Variants in GBP3 observed in about 807,000 individuals in gnomAD.
The protein encoded by GBP3 is guanylate-binding protein 3.
Under a neutral mutation model 62.4 loss-of-function variants are expected in GBP3, and 55 were observed. That is an observed-to-expected ratio of 0.88 (90% confidence interval 0.71 to 1.10). The LOEUF is 1.10. GBP3 is among the 50% of genes least tolerant of loss of function. The pLI is 0.00. For missense variants in GBP3, 605 were observed against 690.6 expected (o/e 0.88, Z 1.39); for synonymous variants, 208 against 259.2 (o/e 0.80, Z 1.90).
At chr1:89,015,783 GA>G (rs1174675556) in intron 2 of GBP3, among the ~76,000 whole-genome samples, 1 of 132,094 alleles carries the variant, frequency 7.6e-6, no homozygotes, top group Admixed American at 7.4e-5. Flanking sequence ...TAGAGAAACA[GA>G]AAAAAATTAC....
In GBP3 at chr1:89,013,200, T is replaced by G; in HGVS notation, c.853A>C (p.Lys285Gln). 1.2e-6 allele frequency: 2 copies of G among 1,613,966 alleles called. No homozygotes were observed. Among genetic ancestry groups the G allele is most frequent in the Non-Finnish European group, 1.7e-6 (2 of 1,179,868 alleles). ...SKTKTLSGGI[K>Q]VNGPRLESLV... is the part of the protein sequence containing the mutation. ...GGGGACTTACGAGGCCCATTGACCTTGATGCCTCCTGAAAGAGTTTTAGTT... is the reference window on the plus strand; with the variant it reads ...GGGGACTTACGAGGCCCATTGACCTGGATGCCTCCTGAAAGAGTTTTAGTT... Residue 285 changes from lysine to glutamine, a missense_variant, in exon 6 of 11, where the codon AAG (lysine) becomes CAG (glutamine). By Grantham distance (53) the Lys-to-Gln change is moderately conservative (BLOSUM62 1). This residue lies in a region of GBP3 where 137 missense variants were observed against 224.7 expected (regional missense o/e 0.61). Coordinates refer to ENST00000370481, the MANE Select transcript of GBP3 (RefSeq NM_018284.3).
At position 89,021,544 on chromosome 1, in the gene GBP3, A is replaced by ACACACACACACCCCC. The variant is rs761151308; in HGVS notation, c.-22-802_-22-801insGGGGGTGTGTGTGTG. 2.6e-4 allele frequency among the ~76,000 whole-genome samples: 37 copies of ACACACACACACCCCC among 141,040 alleles called. No homozygotes were observed. In the East Asian group the frequency reaches 3.4e-3, roughly 13 times the overall value. 92.5% of individuals were successfully genotyped at this position (141,040 alleles called of 152,430 possible). A position where few individuals can be genotyped will look rare whatever the true frequency, so the allele number is the denominator to read the frequency against. The stretch of plus-strand genomic sequence containing the variant: ...CACACACACACACACACACACACAC[A>ACACACACACACCCCC]CCCCAAAAAAACCAAACCAAACAAA... On this transcript the variant is annotated intron_variant, in intron 1 of 10. Transcript: ENST00000370481.
chr1:89,017,621 A>G (rs1422455013), intron 2 of GBP3, among the ~76,000 whole-genome samples: 4 of 152,258 alleles, frequency 2.6e-5, no homozygotes, highest in South Asian at 4.1e-4. Flanking sequence ...ACAATGCAAC[A>G]CAAACAGATT....
At position 89,012,218 on chromosome 1, in the gene GBP3, G is replaced by A. The variant is rs886606493; in HGVS notation, c.869-191C>T. On this transcript the variant is annotated intron_variant, in intron 6 of 10. Transcript: ENST00000370481. ...CTACTGAATTAGAGTTTTTTCTTTG[G>A]GTAAGATCCCTAGATGATATGTATG... is the stretch of plus-strand genomic sequence containing the variant. 1.0e-4 allele frequency among the ~76,000 whole-genome samples: 14 copies of A among 138,300 alleles called. 4 individuals are homozygous for A. The highest frequency in any genetic ancestry group is 2.4e-4 in the South Asian group (1 of 4,240). The allele number at this position is 138,300 out of a possible 152,430, so 90.7% of individuals were successfully genotyped here.
Position 89,014,630 on chromosome 1 carries a change from G to A in GBP3, c.345C>T (p.Ile115=). 6.2e-7 allele frequency: 1 copy of A among 1,614,088 alleles called. No homozygotes were observed. The highest frequency in any genetic ancestry group is 1.1e-5 in the South Asian group (1 of 91,082). Residue 115 remains isoleucine (I), a synonymous_variant, in exon 4 of 11, where the codon ATC becomes ATT. Coordinates refer to ENST00000370481, the MANE Select transcript of GBP3 (RefSeq NM_018284.3). ...KKGDNQNDSW[I]FTLAVLLSST... is the part of the protein sequence containing the mutation. ...TGCTCAGGAGGACGGCCAGGGTGAA[G>A]ATCCAGGAGTCATTCTGGTTGTCAC... is the stretch of plus-strand genomic sequence containing the variant.
At position 89,021,508 on chromosome 1, in the gene GBP3, G is replaced by GTGCACACACA. The variant is rs879708756; in HGVS notation, c.-22-766_-22-765insTGTGTGTGCA. ...TGCTAAGAAACACGCATGCGCGCGC[G>GTGCACACACA]CGCACACACACACACACACACACAC... On this transcript the variant is annotated intron_variant, in intron 1 of 10. Transcript: ENST00000370481. Among the ~76,000 whole-genome samples, 8 of 53,528 alleles carry GTGCACACACA rather than the reference G, an allele frequency of 1.5e-4. No individual in the cohort carries two copies. The East Asian group carries it at 1.8e-3, about 12-fold the overall frequency. The allele number at this position is 53,528 out of a possible 152,430, so 35.1% of individuals were successfully genotyped here.
chr1:89,015,401 G>C lies in GBP3; in HGVS notation c.204C>G (p.Gly68=). The C allele has an allele frequency of 1.2e-6, 2 of 1,613,178 alleles. No individual in the cohort carries two copies. The highest frequency in any genetic ancestry group is 1.7e-6 in the Non-Finnish European group (2 of 1,179,682). ...LAGKNKGFSL[G]STVKSHTKGI... is the part of the protein sequence containing the mutation. ...CTTTGGTGTGAGATTTCACTGTGGAGCCCAGAGAGAAGCCTGTAAAGGAGA... is the reference window on the plus strand; with the variant it reads ...CTTTGGTGTGAGATTTCACTGTGGACCCCAGAGAGAAGCCTGTAAAGGAGA... Residue 68 remains glycine (G), a synonymous_variant, in exon 3 of 11, where the codon GGC becomes GGG. Transcript: ENST00000370481.
intron 2 of GBP3, among the ~76,000 whole-genome samples, chr1:89,018,505 G>A (rs1363313139): frequency 6.6e-6 from 1 of 152,136 alleles, no homozygotes; most frequent in African/African-American, 2.4e-5. Flanking sequence ...TTCACGTCTT[G>A]TTTCTATGGA....
Position 89,011,990 on chromosome 1 carries a change from G to A in GBP3, c.906C>T (p.Ile302=). Reference sequence around the variant, plus strand: ...CCATGCAGGGCAGATCCCCTCTGCTGATAGCATTGATATAGGTCAGCACTA... The same window carrying A: ...CCATGCAGGGCAGATCCCCTCTGCTAATAGCATTGATATAGGTCAGCACTA... The part of the protein sequence containing the change: ...ESLVLTYINA[I]SRGDLPCMEN... The change falls in exon 7 of 11, where the codon ATC becomes ATT. Residue 302 remains isoleucine (I), a synonymous_variant. Transcript: ENST00000370481. 6.8e-7 allele frequency: 1 copy of A among 1,462,446 alleles called. No individual in the cohort carries two copies. The highest frequency in any genetic ancestry group is 9.5e-7 in the Non-Finnish European group (1 of 1,055,276). 90.6% of individuals were successfully genotyped at this position (1,462,446 alleles called of 1,614,324 possible).
At chr1:89,014,444 C>T in intron 4 of GBP3, 103 bp downstream of exon 4, 2 of 1,609,076 alleles carry the variant, frequency 1.2e-6, no homozygotes, top group Non-Finnish European at 1.7e-6. Context: ...TTTTTGTTTT[C>T]TCCTTTTGAG....
chr1:89,017,151 T>C (rs954377071), intron 2 of GBP3, among the ~76,000 whole-genome samples: 4 of 152,158 alleles, frequency 2.6e-5, no homozygotes, highest in African/African-American at 9.7e-5. Flanking sequence ...TGGTATTGGC[T>C]TAAACACTGT....
rs770400755 is a variant in GBP3, at chr1:89,011,939, C to A, written c.957G>T (p.Gln319His). Residue 319 changes from glutamine to histidine, a missense_variant, in exon 7 of 11, where the codon CAG becomes CAT. Gln to His is a conservative substitution (Grantham distance 24). Transcript: ENST00000370481. ...TTTGCACTGCGGCTGAGTTCTCTAT[C>A]TGGGCCAAGGCCAGGACTGCGTTCT... ...CMENAVLALA[Q>H]IENSAAVQKA... 2.1e-5 allele frequency: 31 copies of A among 1,462,402 alleles called. 8 individuals carry two copies. The highest frequency in any genetic ancestry group is 2.8e-5 in the Non-Finnish European group (30 of 1,055,300). 90.6% of individuals were successfully genotyped at this position (1,462,402 alleles called of 1,614,324 possible). A position where few individuals can be genotyped will look rare whatever the true frequency, so the allele number is the denominator to read the frequency against.
intron 6 of GBP3, among the ~76,000 whole-genome samples, 196 bp downstream of exon 6, chr1:89,012,989 C>T (rs1678654696): frequency 7.9e-6 from 1 of 127,180 alleles, no homozygotes; most frequent in Non-Finnish European, 1.7e-5. Flanking sequence ...AGGTATGTGC[C>T]ACCATGCCTC....
chr1:89,021,014 T>A (rs1679160180), intron 1 of GBP3, among the ~76,000 whole-genome samples: 1 of 152,150 alleles, frequency 6.6e-6, no homozygotes. Flanking sequence ...CATTAAAAAA[T>A]TTACACTAGA....
chr1:89,014,706 A>C (rs765395868), intron 3 of GBP3, 50 bp from the exon 4 acceptor site: 1 of 1,610,742 alleles, frequency 6.2e-7, no homozygotes, highest in Non-Finnish European at 8.5e-7. Context: ...TCATCACAGC[A>C]CTTTCCAGAG....
intron 10 of GBP3, among the ~76,000 whole-genome samples, chr1:89,008,205 A>G (rs1678342794): frequency 6.6e-6 from 1 of 151,940 alleles, no homozygotes; most frequent in Admixed American, 6.6e-5. Flanking sequence ...CACACATATT[A>G]TTATTATATA....
At chr1:89,008,006 G>T (rs1472068763) in intron 10 of GBP3, among the ~76,000 whole-genome samples, 154 bp from the exon 11 acceptor site, 1 of 151,744 alleles carries the variant, frequency 6.6e-6, no homozygotes, top group Non-Finnish European at 1.5e-5. Flanking sequence ...CTGGGCATTT[G>T]GGCTGTGTGA....
chr1:89,013,101 G>A, intron 6 of GBP3, 84 bp downstream of exon 6: 2 of 1,465,170 alleles, frequency 1.4e-6, no homozygotes, highest in South Asian at 1.3e-5. Context: ...GCCTCCCAAA[G>A]TGCTGGGATT....
chr1:89,007,635 A>T lies in GBP3; in HGVS notation c.*89T>A, dbSNP rs1164260712. 2.0e-5 allele frequency: 24 copies of T among 1,218,380 alleles called. No individual in the cohort carries two copies. In the East Asian group the frequency reaches 5.4e-4, roughly 27 times the overall value. 75.5% of individuals were successfully genotyped at this position (1,218,380 alleles called of 1,614,324 possible). A position where few individuals can be genotyped will look rare whatever the true frequency, so the allele number is the denominator to read the frequency against. ...CTTTTAGTGTTATGATGCAAGATCT[A>T]ATTATTATCAAATATAGTGACACTT... On this transcript the variant is annotated 3_prime_UTR_variant, in exon 11 of 11. Coordinates refer to ENST00000370481, the MANE Select transcript of GBP3 (RefSeq NM_018284.3).
Sources: gnomAD v4.1 joint callset for allele counts (sites outside exome capture counted in the v4.1 genomes callset) on GRCh38, gnomAD v4.1.1 for gene constraint, gnomAD v4.1.1 regional missense constraint, MANE v1.5 for transcripts, NCBI Gene and HGNC (gene_info 2026-07-23, HGNC 2026-07-21) for gene names.